The following ATP6V1H variants were observed in gnomAD, a reference collection of about 807,000 sequenced individuals.
ATP6V1H encodes V-type proton ATPase subunit H.
Under a neutral mutation model 71.7 loss-of-function variants are expected in ATP6V1H, and 39 were observed. The observed-to-expected ratio is 0.54, with a 90% CI of 0.42 to 0.71. The LOEUF is 0.71. ATP6V1H is among the 30% of genes least tolerant of loss of function. The pLI is 0.00. For missense variants in ATP6V1H, 509 were observed against 594.9 expected, an observed-to-expected ratio of 0.86 and a Z score of 1.50; for synonymous variants, 192 against 199.3, an observed-to-expected ratio of 0.96 and a Z score of 0.31.
intron 9 of ATP6V1H, among the ~76,000 whole-genome samples, chr8:53,779,092 A>C (rs889269395): frequency 6.6e-6 from 1 of 152,240 alleles, no homozygotes; most frequent in Admixed American, 6.5e-5. Flanking sequence ...CAAATCCACA[A>C]TAATAGCTAG....
intron 6 of ATP6V1H, among the ~76,000 whole-genome samples, chr8:53,812,635 C>T (rs1810313679): frequency 6.6e-6 from 1 of 152,146 alleles, no homozygotes; most frequent in Admixed American, 6.5e-5. Flanking sequence ...AGCTACAGAG[C>T]CTTATTACCA....
At chr8:53,780,297 T>C (rs931241976) in intron 9 of ATP6V1H, among the ~76,000 whole-genome samples, 1 of 152,216 alleles carries the variant, frequency 6.6e-6, no homozygotes, top group Non-Finnish European at 1.5e-5. Context: ...ATAATGGCAT[T>C]TCAAAGATTA....
At chr8:53,826,269 C>T (rs1003717273) in intron 4 of ATP6V1H, among the ~76,000 whole-genome samples, 2 of 152,190 alleles carry the variant, frequency 1.3e-5, no homozygotes, top group Non-Finnish European at 2.9e-5. Context: ...TATGGAGTTA[C>T]CTCTTATCCA....
intron 4 of ATP6V1H, among the ~76,000 whole-genome samples, chr8:53,828,251 G>A (rs969407224): frequency 6.6e-6 from 1 of 152,078 alleles, no homozygotes; most frequent in Non-Finnish European, 1.5e-5. Flanking sequence ...GTGTATTTTA[G>A]GGTAGAACAA....
intron 7 of ATP6V1H, among the ~76,000 whole-genome samples, chr8:53,808,547 T>G (rs905137011): frequency 6.6e-6 from 1 of 152,160 alleles, no homozygotes; most frequent in African/African-American, 2.4e-5. Flanking sequence ...GCGGGTAGAT[T>G]GCCTGAGCTC....
chr8:53,752,965 T>G (rs900263315), intron 12 of ATP6V1H, among the ~76,000 whole-genome samples: 1 of 152,176 alleles, frequency 6.6e-6, no homozygotes, highest in Admixed American at 6.5e-5. Flanking sequence ...TTGAGTATTA[T>G]GATTAATCTT....
In ATP6V1H at chr8:53,825,499, G is replaced by A. The variant is rs541662220; in HGVS notation, c.306+3945C>T. Among the ~76,000 whole-genome samples, 383 of 151,962 alleles carry A rather than the reference G, an allele frequency of 2.5e-3. 3 individuals are homozygous for A. The highest frequency in any genetic ancestry group is 0.014 in the Middle Eastern group (4 of 294). On this transcript the variant is annotated intron_variant, in intron 4 of 13. Transcript: ENST00000359530. ...AATACTGGGGGAAAAAAAAAACTGC[G>A]AAGGGAACTAGCCATAAGATCCTCT...
Position 53,769,706 on chromosome 8 carries a change from T to C in ATP6V1H, c.1087A>G (p.Arg363Gly), listed in dbSNP as rs1267030480. The change falls in exon 11 of 14, where the codon AGG (arginine) becomes GGG (glycine). Residue 363 changes from arginine (R) to glycine (G), a missense_variant. Around this residue, in one of 2 missense-constraint regions of ATP6V1H, gnomAD observed 212 missense variants for 291.6 expected, o/e 0.73. Transcript: ENST00000359530. ...DEYSSELKSG[R>G]LEWSPVHKSE... ...TTGTGCACAGGACTCCATTCCAACCTTCCAGATTTAAGTTCTGAACTGTAT... is the reference window on the plus strand; with the variant it reads ...TTGTGCACAGGACTCCATTCCAACCCTCCAGATTTAAGTTCTGAACTGTAT... 3 of 1,612,438 alleles carry C rather than the reference T, an allele frequency of 1.9e-6. No individual in the cohort carries two copies. Among genetic ancestry groups the C allele is most frequent in the Non-Finnish European group, 1.7e-6 (2 of 1,178,816 alleles).
intron 13 of ATP6V1H, 116 bp from the exon 14 acceptor site, chr8:53,716,140 T>A (rs1400829945): frequency 4.0e-6 from 3 of 748,340 alleles, no homozygotes; most frequent in Non-Finnish European, 6.3e-6. Flanking sequence ...CAAAAATAAC[T>A]AAAAAGTCCT....
intron 9 of ATP6V1H, among the ~76,000 whole-genome samples, chr8:53,785,183 C>T (rs1394249911): frequency 1.1e-4 from 17 of 151,948 alleles, no homozygotes; most frequent in Non-Finnish European, 2.4e-4. Context: ...ACCAATCAGA[C>T]GCAGATTTGG....
intron 6 of ATP6V1H, among the ~76,000 whole-genome samples, chr8:53,812,434 TGAGA>T (rs1183008658): frequency 6.6e-6 from 1 of 152,230 alleles, no homozygotes; most frequent in Non-Finnish European, 1.5e-5. Flanking sequence ...CCACTAGTGA[TGAGA>T]GAAATATTCC....
intron 4 of ATP6V1H, 98 bp from the exon 5 acceptor site, chr8:53,817,628 CT>C: frequency 4.1e-6 from 3 of 724,744 alleles, no homozygotes; most frequent in Non-Finnish European, 6.9e-6. Context: ...AGTCTGTGTT[CT>C]TTTTTCAGTG....
chr8:53,780,677 G>A (rs1809083842), intron 9 of ATP6V1H, among the ~76,000 whole-genome samples: 1 of 151,914 alleles, frequency 6.6e-6, no homozygotes, highest in Non-Finnish European at 1.5e-5. Flanking sequence ...ATCTCCTAAT[G>A]GTATCCCTCC....
chr8:53,804,012 T>C (rs1293704895), intron 7 of ATP6V1H, among the ~76,000 whole-genome samples: 1 of 152,222 alleles, frequency 6.6e-6, no homozygotes, highest in Admixed American at 6.5e-5. Flanking sequence ...TTGAAATACA[T>C]AACACACTAC....
Position 53,818,268 on chromosome 8 carries a change from ATTT to A in ATP6V1H, c.307-741_307-739del, listed in dbSNP as rs574400265. Among the ~76,000 whole-genome samples, 343 of 152,188 alleles carry A rather than the reference ATTT, an allele frequency of 2.3e-3. 2 individuals carry two copies. Among genetic ancestry groups the A allele is most frequent in the African/African-American group, 7.9e-3 (327 of 41,526 alleles). ...TTTCTGATTAAACTTTTATTAATTT[ATTT>A]ATTTATTTTATTTCCATAGGTTACT... is the stretch of plus-strand genomic sequence containing the variant. On this transcript the variant is annotated intron_variant, in intron 4 of 13. Transcript: ENST00000359530.
intron 9 of ATP6V1H, among the ~76,000 whole-genome samples, chr8:53,783,819 C>T (rs1809260330): frequency 6.6e-6 from 1 of 152,166 alleles, no homozygotes; most frequent in Non-Finnish European, 1.5e-5. Context: ...CATTCAGGAG[C>T]AGGTTGTTCA....
At chr8:53,762,729 T>C (rs1004418500) in intron 11 of ATP6V1H, among the ~76,000 whole-genome samples, 4 of 152,272 alleles carry the variant, frequency 2.6e-5, no homozygotes, top group African/African-American at 4.8e-5. Flanking sequence ...GGCACTCAGA[T>C]TGAAAAAGTG....
intron 11 of ATP6V1H, among the ~76,000 whole-genome samples, chr8:53,757,423 G>T (rs1808110390): frequency 6.6e-6 from 1 of 152,172 alleles, no homozygotes; most frequent in Non-Finnish European, 1.5e-5. Context: ...AAGGAGCTTG[G>T]AAAGGACTAC....
intron 4 of ATP6V1H, among the ~76,000 whole-genome samples, chr8:53,823,135 A>G (rs907797941): frequency 6.6e-6 from 1 of 152,176 alleles, no homozygotes; most frequent in African/African-American, 2.4e-5. Context: ...ATAATAACAT[A>G]ATCAATAAAG....
Sources: allele counts gnomAD v4.1 joint callset (sites outside exome capture counted in the v4.1 genomes callset), GRCh38; gene constraint gnomAD v4.1.1; regional missense constraint gnomAD v4.1.1; transcripts MANE v1.5; gene names NCBI Gene and HGNC (gene_info 2026-07-23, HGNC 2026-07-21).